CUEDC1: variants seen among roughly 807,000 people sequenced by gnomAD.
CUEDC1 encodes CUE domain containing 1.
A neutral mutation model predicts 43.7 loss-of-function variants in CUEDC1; 30 were observed. The ratio of observed to expected loss-of-function variants is 0.69; its 90% CI spans 0.51 to 0.93. The LOEUF is 0.93. Among genes scored for constraint, CUEDC1 ranks in the 40% least tolerant of loss-of-function variants. The pLI is 0.00. For synonymous variants in CUEDC1, 223 were observed against 223.6 expected (o/e 1.00, Z 0.02); for missense variants, 486 against 549.0 (o/e 0.89, Z 1.15).
chr17:57,904,945 G>T (rs1232169050), intron 1 of CUEDC1, among the ~76,000 whole-genome samples: 1 of 152,182 alleles, frequency 6.6e-6, no homozygotes, highest in Non-Finnish European at 1.5e-5. Context: ...GGCTTTCGGG[G>T]ACAGGAAGCA....
chr17:57,873,607 T>G lies in CUEDC1; in HGVS notation c.575A>C (p.Gln192Pro). Residue 192 changes from glutamine (Q) to proline (P), a missense_variant, in exon 4 of 11, where the codon CAG (glutamine) becomes CCG (proline). Transcript: ENST00000577830. The stretch of plus-strand genomic sequence containing the variant: ...CCCTGTTACCTGTATGCTGTCCAGC[T>G]GCTGGGGCAGGATGCGGAGAAAGTC... ...PDDFLRILPQQLDSIQGNAGG... is the reference protein window; with the variant it reads ...PDDFLRILPQPLDSIQGNAGG... 1 of 1,594,398 alleles carries G rather than the reference T, an allele frequency of 6.3e-7. No individual in the cohort carries two copies. The highest frequency in any genetic ancestry group is 8.5e-7 in the Non-Finnish European group (1 of 1,169,846).
intron 1 of CUEDC1, among the ~76,000 whole-genome samples, chr17:57,942,674 C>G (rs1344970809): frequency 6.6e-6 from 1 of 151,638 alleles, no homozygotes; most frequent in Non-Finnish European, 1.5e-5. Flanking sequence ...CAGGCGTGAG[C>G]CACCACACCC....
At chr17:57,949,223 G>T (rs1044936121) in intron 1 of CUEDC1, among the ~76,000 whole-genome samples, 5 of 152,200 alleles carry the variant, frequency 3.3e-5, no homozygotes, top group Admixed American at 2.6e-4. Flanking sequence ...GGCTGGCAAA[G>T]TGCCCCCTTC....
intron 3 of CUEDC1, among the ~76,000 whole-genome samples, chr17:57,878,096 T>G (rs2074152601): frequency 6.6e-6 from 1 of 151,808 alleles, no homozygotes. Context: ...CTTCCCTCCC[T>G]CCTCCCCTCA....
At chr17:57,910,434 GA>G (rs528618114) in intron 1 of CUEDC1, among the ~76,000 whole-genome samples, 351 of 150,438 alleles carry the variant, frequency 2.3e-3, no homozygotes, top group Non-Finnish European at 4.1e-3. Context: ...TTCAACCACA[GA>G]AAAAAAAATG....
rs147344826 is a variant in CUEDC1 at position 57,928,733 on chromosome 17, C to T, written c.-316+26492G>A. Among the ~76,000 whole-genome samples the T allele has an allele frequency of 3.3e-4, 48 of 143,876 alleles. 1 individual carries two copies. The highest frequency in any genetic ancestry group is 1.2e-3 in the African/African-American group (46 of 38,244). The allele number at this position is 143,876 out of a possible 152,430, so 94.4% of individuals were successfully genotyped here. A position where few individuals can be genotyped will look rare whatever the true frequency, so the allele number is the denominator to read the frequency against. ...CAGAAAGGGAGAATATACTGGCATT[C>T]GAGAATTAGAGGTACCTGGCACTGA... On this transcript the variant is annotated intron_variant, in intron 1 of 10. Transcript: ENST00000577830.
chr17:57,894,060 T>C (rs2074384434), intron 1 of CUEDC1, among the ~76,000 whole-genome samples: 2 of 152,108 alleles, frequency 1.3e-5, no homozygotes, highest in Non-Finnish European at 2.9e-5. Flanking sequence ...ACCACTGCAC[T>C]CCAGCCTGGG....
chr17:57,940,751 G>A lies in CUEDC1; in HGVS notation c.-316+14474C>T, dbSNP rs146002022. Among the ~76,000 whole-genome samples the A allele has an allele frequency of 1.6e-3, 244 of 152,322 alleles. 2 individuals carry two copies. Among genetic ancestry groups the A allele is most frequent in the Admixed American group, 2.6e-3 (40 of 15,292 alleles). On this transcript the variant is annotated intron_variant, in intron 1 of 10. Coordinates refer to ENST00000577830, the MANE Select transcript of CUEDC1 (RefSeq NM_001271875.2). ...TAACAAATATTTCTGGAGCAACAGTGCCAGGTGCTGTCATGGGTATAATCA... is the reference window on the plus strand; with the variant it reads ...TAACAAATATTTCTGGAGCAACAGTACCAGGTGCTGTCATGGGTATAATCA...
intron 1 of CUEDC1, among the ~76,000 whole-genome samples, chr17:57,922,924 G>A (rs35212221): frequency 0.22 from 32,386 of 149,884 alleles, 4,183 homozygotes; most frequent in Non-Finnish European, 0.3. Flanking sequence ...TGCCCAGGCT[G>A]CAGTACAGTG....
intron 1 of CUEDC1, among the ~76,000 whole-genome samples, chr17:57,943,860 A>T (rs1052675360): frequency 6.6e-6 from 1 of 152,144 alleles, no homozygotes; most frequent in Non-Finnish European, 1.5e-5. Context: ...TGTACACTTA[A>T]TCTACCTCTA....
intron 1 of CUEDC1, among the ~76,000 whole-genome samples, chr17:57,910,747 CCTTT>C (rs2143054716): frequency 6.6e-6 from 1 of 152,136 alleles, no homozygotes; most frequent in East Asian, 1.9e-4. Context: ...CCTTTTTCTT[CCTTT>C]CTTATATTTT....
chr17:57,869,041 A>AG, intron 7 of CUEDC1, 81 bp downstream of exon 7: 1 of 1,424,676 alleles, frequency 7.0e-7, no homozygotes, highest in Non-Finnish European at 9.8e-7. Flanking sequence ...ACATGTGCTG[A>AG]GGGGCTCCCT....
chr17:57,931,979 A>C (rs2074808241), intron 1 of CUEDC1, among the ~76,000 whole-genome samples: 1 of 151,964 alleles, frequency 6.6e-6, no homozygotes, highest in Non-Finnish European at 1.5e-5. Flanking sequence ...TCTGCTTAAA[A>C]CGCATCTCTA....
At chr17:57,900,344 G>A (rs2145002759) in intron 1 of CUEDC1, among the ~76,000 whole-genome samples, 1 of 152,300 alleles carries the variant, frequency 6.6e-6, no homozygotes, top group South Asian at 2.1e-4. Context: ...ACTGTTCTAG[G>A]CACAAACCAG....
At chr17:57,927,814 C>A (rs2074763199) in intron 1 of CUEDC1, among the ~76,000 whole-genome samples, 1 of 152,230 alleles carries the variant, frequency 6.6e-6, no homozygotes, top group African/African-American at 2.4e-5. Context: ...ACAATTCATG[C>A]AATGTAAGCT....
intron 1 of CUEDC1, among the ~76,000 whole-genome samples, chr17:57,932,454 C>T (rs1245961230): frequency 6.6e-6 from 1 of 150,588 alleles, no homozygotes; most frequent in Non-Finnish European, 1.5e-5. Flanking sequence ...GGCATGGCAG[C>T]GGGTGCTGTA....
At chr17:57,953,613 C>T (rs946706698) in intron 1 of CUEDC1, among the ~76,000 whole-genome samples, 3 of 151,516 alleles carry the variant, frequency 2.0e-5, no homozygotes, top group Non-Finnish European at 3.0e-5. Flanking sequence ...ATACAGGTGT[C>T]TCCCTACACA....
In CUEDC1 at chr17:57,954,634, G is replaced by A. The variant is rs879642025; in HGVS notation, c.-316+591C>T. Among the ~76,000 whole-genome samples the A allele has an allele frequency of 1.3e-5, 2 of 151,174 alleles. No individual in the cohort carries two copies. Among genetic ancestry groups the A allele is most frequent in the Non-Finnish European group, 1.5e-5 (1 of 68,014 alleles). On this transcript the variant is annotated intron_variant, in intron 1 of 10. Coordinates refer to ENST00000577830, the MANE Select transcript of CUEDC1 (RefSeq NM_001271875.2). The surrounding 1 kb of genome is among the most constrained non-coding windows in gnomAD (Gnocchi z 4.3). ...CCCAACTTTCCCTGGCCGAGCTGACGGGAGATACAGCTCCCAGGGGACCGG... is the reference window on the plus strand; with the variant it reads ...CCCAACTTTCCCTGGCCGAGCTGACAGGAGATACAGCTCCCAGGGGACCGG...
chr17:57,947,342 A>G (rs897556156), intron 1 of CUEDC1, among the ~76,000 whole-genome samples: 3 of 151,930 alleles, frequency 2.0e-5, no homozygotes, highest in Non-Finnish European at 4.4e-5. Context: ...TTATTTTTAA[A>G]CTCATTGTCC....
Sources: gnomAD v4.1 joint callset for allele counts (sites outside exome capture counted in the v4.1 genomes callset) on GRCh38, gnomAD v4.1.1 for gene constraint, Gnocchi (gnomAD v3.1) non-coding constraint, MANE v1.5 for transcripts, NCBI Gene and HGNC (gene_info 2026-07-23, HGNC 2026-07-21) for gene names.